Variants in SNTG1 observed in about 807,000 individuals in gnomAD.
SNTG1 encodes the protein syntrophin gamma 1, also known as gamma-1-syntrophin.
A neutral mutation model predicts 74.7 loss-of-function variants in SNTG1; 39 were observed. The observed-to-expected ratio is 0.52, with a 90% confidence interval of 0.40 to 0.68. The LOEUF is 0.68. Ranked by LOEUF, SNTG1 falls within the 30% of genes least tolerant of loss-of-function variation. SNTG1 has a pLI of 0.00. For synonymous variants in SNTG1, 254 were observed against 217.1 expected, an observed-to-expected ratio of 1.17 and a Z score of -1.49; for missense variants, 685 against 609.5, an observed-to-expected ratio of 1.12 and a Z score of -1.30.
chr8:50,568,790 C>A (rs1368051244), intron 12 of SNTG1: 6 of 152,050 alleles, frequency 3.9e-5, no homozygotes, highest in African/African-American at 1.4e-4. Flanking sequence ...TAATTGTTTT[C>A]TTTGCTGTGA....
At chr8:50,220,576 T>C (rs1240796034) in intron 2 of SNTG1, among the ~76,000 whole-genome samples, 3 of 152,084 alleles carry the variant, frequency 2.0e-5, no homozygotes, top group African/African-American at 7.2e-5. Flanking sequence ...TGGAAATGTA[T>C]TGAAGTTTTG....
intron 13 of SNTG1, among the ~76,000 whole-genome samples, 170 bp from the exon 14 acceptor site, chr8:50,656,739 C>T (rs2095184187): frequency 6.6e-6 from 1 of 152,052 alleles, no homozygotes; most frequent in African/African-American, 2.4e-5. Context: ...GAAGCCAAAT[C>T]TGGTTTAATG....
chr8:50,671,520 C>T (rs926791010), intron 15 of SNTG1, among the ~76,000 whole-genome samples: 14 of 151,830 alleles, frequency 9.2e-5, no homozygotes, highest in African/African-American at 1.7e-4. Context: ...GTTAGAATGG[C>T]GATCATTAAA....
chr8:50,025,281 A>T (rs1010694029), intron 1 of SNTG1, among the ~76,000 whole-genome samples: 2 of 152,196 alleles, frequency 1.3e-5, no homozygotes, highest in African/African-American at 2.4e-5. Context: ...TATCTATAAT[A>T]ACCCACTTTC....
At chr8:50,757,832 C>G (rs1180089510) in intron 18 of SNTG1, among the ~76,000 whole-genome samples, 1 of 151,880 alleles carries the variant, frequency 6.6e-6, no homozygotes, top group Non-Finnish European at 1.5e-5. Context: ...ATTAGCACAA[C>G]AGTTATATAT....
intron 2 of SNTG1, among the ~76,000 whole-genome samples, chr8:50,333,541 G>C (rs1046950291): frequency 1.3e-5 from 2 of 152,146 alleles, no homozygotes; most frequent in Non-Finnish European, 2.9e-5. Context: ...ATTTTGCTAT[G>C]AATGTACTTT....
chr8:50,396,588 A>C (rs1453005741), intron 3 of SNTG1, among the ~76,000 whole-genome samples: 2 of 152,242 alleles, frequency 1.3e-5, no homozygotes, highest in African/African-American at 4.8e-5. Flanking sequence ...CGTATTTGGC[A>C]CTTGAAACAT....
intron 2 of SNTG1, among the ~76,000 whole-genome samples, chr8:50,386,921 GGTTCTACA>G (rs1348704104): frequency 5.3e-5 from 8 of 152,042 alleles, no homozygotes; most frequent in Non-Finnish European, 1.2e-4. Context: ...AAGGGGCTCT[GGTTCTACA>G]AACCATTTCA....
At chr8:50,394,411 CCTT>C (rs1457542775) in intron 3 of SNTG1, 146 bp downstream of exon 3, 2 of 730,236 alleles carry the variant, frequency 2.7e-6, no homozygotes, top group South Asian at 2.1e-5. Context: ...ATTACGTTCT[CCTT>C]CTGCAAAGAT....
At chr8:50,500,405 AT>A (rs974620084) in intron 8 of SNTG1, among the ~76,000 whole-genome samples, 1 of 152,090 alleles carries the variant, frequency 6.6e-6, no homozygotes, top group Non-Finnish European at 1.5e-5. Context: ...ATATTATAAC[AT>A]AACTTTTTTG....
At chr8:50,120,682 A>G (rs1199195049) in intron 1 of SNTG1, among the ~76,000 whole-genome samples, 1 of 141,810 alleles carries the variant, frequency 7.1e-6, no homozygotes, top group Admixed American at 7.3e-5. Context: ...ATCACCACCA[A>G]CGCTACTAAT....
intron 17 of SNTG1, among the ~76,000 whole-genome samples, chr8:50,728,306 G>A (rs776028770): frequency 7.2e-5 from 11 of 152,230 alleles, no homozygotes; most frequent in South Asian, 4.2e-4. Flanking sequence ...GTGATGCAGC[G>A]CCGAGGGCAC....
chr8:50,729,314 G>A (rs1439424800), intron 17 of SNTG1, among the ~76,000 whole-genome samples: 1 of 152,142 alleles, frequency 6.6e-6, no homozygotes, highest in Non-Finnish European at 1.5e-5. Flanking sequence ...CTGGATACAT[G>A]GGATACATGT....
At chr8:50,006,607 A>T (rs1347167570) in intron 1 of SNTG1, among the ~76,000 whole-genome samples, 1 of 152,024 alleles carries the variant, frequency 6.6e-6, no homozygotes, top group East Asian at 1.9e-4. Flanking sequence ...AGTTTTAGAG[A>T]CTGATTGTCT....
intron 18 of SNTG1, among the ~76,000 whole-genome samples, chr8:50,757,742 T>C (rs1225447717): frequency 2.0e-5 from 3 of 152,100 alleles, no homozygotes; most frequent in East Asian, 3.9e-4. Context: ...ATTGCCCTTG[T>C]TCTTTATTCT....
At chr8:50,642,635 A>G (rs1210214016) in intron 13 of SNTG1, among the ~76,000 whole-genome samples, 1 of 152,086 alleles carries the variant, frequency 6.6e-6, no homozygotes, top group African/African-American at 2.4e-5. Context: ...TCCTTCAGAT[A>G]TCCATACAGG....
chr8:50,691,387 C>T (rs181562132), intron 15 of SNTG1, among the ~76,000 whole-genome samples: 65 of 152,232 alleles, frequency 4.3e-4, no homozygotes, highest in East Asian at 3.9e-3. Flanking sequence ...TGGCTGGTAC[C>T]GGTTGTTCCT....
At position 50,113,880 on chromosome 8, in the gene SNTG1, G is replaced by T. The variant is rs183000745; in HGVS notation, c.-102-58681G>T. Among the ~76,000 whole-genome samples, 53 of 151,888 alleles carry T rather than the reference G, an allele frequency of 3.5e-4. 1 individual carries two copies. Among genetic ancestry groups the T allele is most frequent in the Admixed American group, 2.3e-3 (35 of 15,246 alleles). Reference sequence around the variant, plus strand: ...TACATATGTAACAAACCTGCACGTTGTGCACATGTACCCTAGAACTTAAAG... The same window carrying T: ...TACATATGTAACAAACCTGCACGTTTTGCACATGTACCCTAGAACTTAAAG... On this transcript the variant is annotated intron_variant, in intron 1 of 18. Transcript: ENST00000642720.
rs114044957 is a variant in SNTG1 at position 50,118,043 on chromosome 8, G to A, written c.-102-54518G>A. On this transcript the variant is annotated intron_variant, in intron 1 of 18. Transcript: ENST00000642720. ...GTTCTTAGGTTGCATTTTACAGAAA[G>A]CACCTACTTGCTTCTCTATTTTCCA... 5.7e-3 allele frequency among the ~76,000 whole-genome samples: 861 copies of A among 152,182 alleles called. 10 individuals carry two copies. Among genetic ancestry groups the A allele is most frequent in the African/African-American group, 0.019 (795 of 41,530 alleles).
Sources: allele counts gnomAD v4.1 joint callset (sites outside exome capture counted in the v4.1 genomes callset), GRCh38; gene constraint gnomAD v4.1.1; transcripts MANE v1.5; gene names NCBI Gene and HGNC (gene_info 2026-07-23, HGNC 2026-07-21).